The following DCBLD2 variants were observed in gnomAD, a reference collection of about 807,000 sequenced individuals.
DCBLD2 encodes discoidin, CUB and LCCL domain-containing protein 2.
In DCBLD2, 54 loss-of-function variants were observed where a neutral mutation model predicts 86.8. That is an observed-to-expected ratio of 0.62 (90% CI 0.50 to 0.78). DCBLD2 has a LOEUF of 0.78. DCBLD2 is among the 30% of genes least tolerant of loss of function. The pLI is 0.00. For synonymous variants in DCBLD2, 354 were observed against 341.3 expected (o/e 1.04, Z -0.41); for missense variants, 908 against 954.2 (o/e 0.95, Z 0.64).
chr3:98,822,502 T>C (rs1185091403), intron 5 of DCBLD2, 141 bp from the exon 6 acceptor site: 2 of 1,288,888 alleles, frequency 1.6e-6, no homozygotes, highest in Non-Finnish European at 2.1e-6. Context: ...ATTGGTACTG[T>C]AACACAACAG....
intron 8 of DCBLD2, among the ~76,000 whole-genome samples, chr3:98,818,603 G>A (rs1008880675): frequency 2.0e-5 from 3 of 152,210 alleles, no homozygotes; most frequent in African/African-American, 4.8e-5. Flanking sequence ...ATTTGAGTCA[G>A]TGGACTAGGA....
rs558682931 is a variant in DCBLD2 at position 98,901,626 on chromosome 3, G to A, written c.-300C>T. 9 of 233,698 alleles carry A rather than the reference G, an allele frequency of 3.9e-5. No homozygotes were observed. The East Asian group carries it at 7.3e-4, about 19-fold the overall frequency. 14.5% of individuals were successfully genotyped at this position (233,698 alleles called of 1,614,324 possible). A position where few individuals can be genotyped will look rare whatever the true frequency, so the allele number is the denominator to read the frequency against. Reference sequence around the variant, plus strand: ...CGGAGCTAAGGAACGTGCCTCCCGCGCCGCGCTCCTCACCAGGGTCGCCGC... The same window carrying A: ...CGGAGCTAAGGAACGTGCCTCCCGCACCGCGCTCCTCACCAGGGTCGCCGC... On this transcript the variant is annotated 5_prime_UTR_variant, in exon 1 of 16. Transcript: ENST00000326840.
At chr3:98,862,298 G>C (rs1024766466) in intron 2 of DCBLD2, among the ~76,000 whole-genome samples, 3 of 152,144 alleles carry the variant, frequency 2.0e-5, no homozygotes, top group African/African-American at 7.2e-5. Flanking sequence ...GTACAAGGAG[G>C]AGCTGGTACC....
intron 2 of DCBLD2, among the ~76,000 whole-genome samples, chr3:98,854,788 C>A (rs748339753): frequency 6.6e-6 from 1 of 152,184 alleles, no homozygotes; most frequent in South Asian, 2.1e-4. Context: ...AGTGAATAAA[C>A]GCTGCAAGGG....
At chr3:98,841,826 G>GC (rs1175306841) in intron 3 of DCBLD2, among the ~76,000 whole-genome samples, 2 of 152,130 alleles carry the variant, frequency 1.3e-5, no homozygotes, top group Non-Finnish European at 2.9e-5. Context: ...ACTTTGGGAG[G>GC]CCGAGGCAGG....
At chr3:98,846,950 G>A (rs1942737229) in intron 3 of DCBLD2, among the ~76,000 whole-genome samples, 1 of 151,960 alleles carries the variant, frequency 6.6e-6, no homozygotes, top group African/African-American at 2.4e-5. Flanking sequence ...GCAAAAATAT[G>A]AATCAAAATA....
At chr3:98,822,056 A>C (rs1942129063) in intron 6 of DCBLD2, 172 bp downstream of exon 6, 1 of 866,498 alleles carries the variant, frequency 1.2e-6, no homozygotes. Context: ...CAAACAAAAC[A>C]AAACAAAAAA....
rs1481190929 is a variant in DCBLD2 at position 98,812,486 on chromosome 3, T to TA, written c.1213-5dup. ...AATCTTTGTTTCCTTGAAATATCTT[T>TA]AAAAAAACAACAAAAAATTGGTACT... is the stretch of plus-strand genomic sequence containing the variant. On this transcript the variant is annotated splice_polypyrimidine_tract_variant and splice_region_variant and intron_variant, in intron 9 of 15. Transcript: ENST00000326840. 5 of 1,609,698 alleles carry TA rather than the reference T, an allele frequency of 3.1e-6. No homozygotes were observed. Among genetic ancestry groups the TA allele is most frequent in the Middle Eastern group, 1.7e-4 (1 of 6,044 alleles).
intron 2 of DCBLD2, among the ~76,000 whole-genome samples, chr3:98,870,173 C>T (rs2107510325): frequency 6.6e-6 from 1 of 152,270 alleles, no homozygotes; most frequent in East Asian, 1.9e-4. Context: ...TCCAATTTTC[C>T]AGCACCACTG....
chr3:98,825,236 T>C, intron 4 of DCBLD2, 79 bp downstream of exon 4: 15 of 1,075,918 alleles, frequency 1.4e-5, no homozygotes, highest in Non-Finnish European at 1.8e-5. Context: ...CCTAAGAGTA[T>C]ACAGAATGAA....
At chr3:98,894,266 C>G (rs1425092631) in intron 1 of DCBLD2, among the ~76,000 whole-genome samples, 1 of 152,158 alleles carries the variant, frequency 6.6e-6, no homozygotes, top group Admixed American at 6.5e-5. Flanking sequence ...GCCTCCATTT[C>G]TCATTACTTT....
chr3:98,840,788 GTTA>G (rs1157200136), intron 3 of DCBLD2, among the ~76,000 whole-genome samples: 1 of 152,198 alleles, frequency 6.6e-6, no homozygotes, highest in Non-Finnish European at 1.5e-5. Context: ...CCCCATGCCT[GTTA>G]TTTGCTACGT....
At chr3:98,839,155 CTTTCTTTCTT>C (rs1325183081) in intron 3 of DCBLD2, among the ~76,000 whole-genome samples, 16 of 88,992 alleles carry the variant, frequency 1.8e-4, no homozygotes, top group Admixed American at 3.8e-4. Context: ...TTCTTTCTTT[CTTTCTTTCTT>C]TCTTTCCTTT....
chr3:98,857,339 A>G (rs553379123), intron 2 of DCBLD2, among the ~76,000 whole-genome samples: 132 of 152,094 alleles, frequency 8.7e-4, no homozygotes, highest in African/African-American at 2.8e-3. Flanking sequence ...AAGCTTCCAC[A>G]GTGTGTAAGG....
intron 3 of DCBLD2, among the ~76,000 whole-genome samples, chr3:98,839,255 CTCTT>C (rs199612806): frequency 0.053 from 7,672 of 144,584 alleles, 202 homozygotes; most frequent in Middle Eastern, 0.076. Flanking sequence ...TTCTTTCTTC[CTCTT>C]TCTTTCTCAG....
At chr3:98,824,857 C>A (rs1942188358) in intron 4 of DCBLD2, among the ~76,000 whole-genome samples, 1 of 151,938 alleles carries the variant, frequency 6.6e-6, no homozygotes, top group Non-Finnish European at 1.5e-5. Context: ...TGAATGGCAG[C>A]CAGCAAACAG....
chr3:98,844,350 T>A lies in DCBLD2; in HGVS notation c.571+5111A>T, dbSNP rs1006885581. Among the ~76,000 whole-genome samples, 5 of 149,640 alleles carry A rather than the reference T, an allele frequency of 3.3e-5. No individual in the cohort carries two copies. The East Asian group carries it at 9.7e-4, about 29-fold the overall frequency. On this transcript the variant is annotated intron_variant, in intron 3 of 15. Transcript: ENST00000326840. The stretch of plus-strand genomic sequence containing the variant: ...AATAAAATGTCAGTAGCATTTATTA[T>A]TATTATTATTATTATTATTATTTTG...
intron 9 of DCBLD2, chr3:98,815,900 GGTAAGAT>G (rs1291881703): frequency 6.6e-6 from 1 of 151,624 alleles, no homozygotes; most frequent in African/African-American, 2.4e-5. Context: ...ATTGGTGAAT[GGTAAGAT>G]ACCTTCAAGG....
At chr3:98,813,335 C>A (rs944343976) in intron 9 of DCBLD2, 6 of 152,278 alleles carry the variant, frequency 3.9e-5, no homozygotes, top group African/African-American at 1.4e-4. Context: ...TGGCTCACTG[C>A]AACCTCTTCC....
Sources: allele counts gnomAD v4.1 joint callset (sites outside exome capture counted in the v4.1 genomes callset), GRCh38; gene constraint gnomAD v4.1.1; transcripts MANE v1.5; gene names NCBI Gene and HGNC (gene_info 2026-07-23, HGNC 2026-07-21).